The following TKTL1 variants were observed in gnomAD, a reference collection of about 807,000 sequenced individuals.
TKTL1 encodes the protein transketolase like 1.
Under a neutral mutation model 39.3 loss-of-function variants are expected in TKTL1, and 1 was observed. The ratio of observed to expected loss-of-function variants is 0.03; its 90% CI spans 0.01 to 0.12. The LOEUF is 0.12. Among genes scored for constraint, TKTL1 ranks in the 10% least tolerant of loss-of-function variants. TKTL1 has a pLI of 1.00. For missense variants in TKTL1, 575 were observed against 509.6 expected (o/e 1.13, Z -1.24); for synonymous variants, 262 against 193.8 (o/e 1.35, Z -2.92).
intron 7 of TKTL1, among the ~76,000 whole-genome samples, chrX:154,318,695 G>A (rs370667879): frequency 3.3e-5 from 3 of 89,844 alleles, no homozygotes; most frequent in African/African-American, 4.4e-5. Context: ...GCGACAGAGC[G>A]AGCCTCCGTC....
intron 1 of TKTL1, among the ~76,000 whole-genome samples, chrX:154,300,008 G>GT (rs2067260721): frequency 6.1e-5 from 6 of 98,052 alleles, no homozygotes; most frequent in African/African-American, 2.1e-4. Context: ...ACTACTTTTA[G>GT]TATTTTTTTT....
At chrX:154,301,404 A>C (rs782426754) in intron 1 of TKTL1, among the ~76,000 whole-genome samples, 180 of 110,449 alleles carry the variant, frequency 1.6e-3, no homozygotes, top group African/African-American at 5.8e-3. Flanking sequence ...GTAATCCCAG[A>C]TACTTGGGAG....
At chrX:154,305,728 G>A (rs1298374612) in intron 2 of TKTL1, among the ~76,000 whole-genome samples, 1 of 110,080 alleles carries the variant, frequency 9.1e-6, no homozygotes, top group African/African-American at 3.3e-5. Context: ...TGCTGCCTGA[G>A]GAGAGGCAGG....
intron 6 of TKTL1, among the ~76,000 whole-genome samples, chrX:154,314,970 C>T (rs1388519282): frequency 9.0e-6 from 1 of 111,498 alleles, no homozygotes; most frequent in East Asian, 2.8e-4. Context: ...ACTTGGGTGC[C>T]ACATCAGCCA....
chrX:154,309,650 G>T (rs782275728), intron 3 of TKTL1, among the ~76,000 whole-genome samples: 17 of 111,378 alleles, frequency 1.5e-4, no homozygotes, highest in African/African-American at 5.6e-4. Context: ...CAGGTCTGTT[G>T]AAAGGTTTCA....
chrX:154,325,726 C>G (rs782115385), intron 10 of TKTL1, among the ~76,000 whole-genome samples: 1 of 112,398 alleles, frequency 8.9e-6, no homozygotes, highest in Admixed American at 9.4e-5. Context: ...CTAAACAAAA[C>G]AGAAGCCAGC....
Position 154,295,916 on chromosome X carries a change from C to T in TKTL1, c.57C>T (p.Gly19=). The T allele has an allele frequency of 3.3e-6, 4 of 1,211,644 alleles. No homozygotes were observed. Among genetic ancestry groups the T allele is most frequent in the Non-Finnish European group, 1.1e-6 (1 of 895,190 alleles). The change falls in exon 1 of 13, where the codon GGC becomes GGT. Residue 19 remains glycine (G), a synonymous_variant. Coordinates refer to ENST00000369915, the MANE Select transcript of TKTL1 (RefSeq NM_012253.4). ...EFPEEARPDR[G]TLQVLQDMAS... is the part of the protein sequence containing the mutation. The stretch of plus-strand genomic sequence containing the variant: ...CGGAGGAGGCCAGACCTGACAGGGG[C>T]ACCTTGCAGGTGTTGCAAGATATGG...
chrX:154,313,277 G>A (rs782362761), intron 6 of TKTL1, among the ~76,000 whole-genome samples: 18 of 112,407 alleles, frequency 1.6e-4, no homozygotes, highest in African/African-American at 3.9e-4. Flanking sequence ...GGCCCCAGGC[G>A]GGCTGACCTT....
At chrX:154,304,174 G>T (rs1435018115) in intron 1 of TKTL1, among the ~76,000 whole-genome samples, 1 of 110,885 alleles carries the variant, frequency 9.0e-6, no homozygotes, top group Non-Finnish European at 1.9e-5. Context: ...CTCCTCTGCT[G>T]CCGGGGCCTC....
chrX:154,310,865 G>A lies in TKTL1; in HGVS notation c.380G>A (p.Gly127Asp). The A allele has an allele frequency of 4.1e-6, 5 of 1,211,528 alleles. No homozygotes were observed. Among genetic ancestry groups the A allele is most frequent in the East Asian group, 3.0e-5 (1 of 33,866 alleles). Residue 127 changes from glycine to aspartate, a missense_variant, in exon 4 of 13, where the codon GGC (glycine) becomes GAC (aspartate). Transcript: ENST00000369915. ...CGGGTGTTCTGCCTCATGAGTGATG[G>A]CGAGTCCTCAGAAGGCTCTGTCTGG... Reference protein sequence around the residue: ...SYRVFCLMSDGESSEGSVWEA... With the variant: ...SYRVFCLMSDDESSEGSVWEA...
At position 154,330,220 on chromosome X, in the gene TKTL1, C is replaced by A. The variant is rs2067527592; in HGVS notation, c.*532C>A. The A allele has an allele frequency of 8.7e-6, 1 of 115,153 alleles. No homozygotes were observed. Among genetic ancestry groups the A allele is most frequent in the African/African-American group, 3.2e-5 (1 of 30,945 alleles). The allele number at this position is 115,153 out of a possible 1,213,427, so 9.5% of individuals were successfully genotyped here. ...CCCTGGAATTCCCTTCGCTGTTTGCCTTCATCTCCCTCCACGTTTGAGAGG... is the reference window on the plus strand; with the variant it reads ...CCCTGGAATTCCCTTCGCTGTTTGCATTCATCTCCCTCCACGTTTGAGAGG... On this transcript the variant is annotated 3_prime_UTR_variant, in exon 13 of 13. Coordinates refer to ENST00000369915, the MANE Select transcript of TKTL1 (RefSeq NM_012253.4).
intron 2 of TKTL1, among the ~76,000 whole-genome samples, chrX:154,306,699 C>T (rs782565125): frequency 1.8e-5 from 2 of 110,023 alleles, no homozygotes; most frequent in South Asian, 3.9e-4. Flanking sequence ...TGCAGTGGCT[C>T]GGTCTCAGCT....
intron 5 of TKTL1, among the ~76,000 whole-genome samples, 190 bp downstream of exon 5, chrX:154,311,428 T>G (rs1477694904): frequency 1.8e-5 from 2 of 112,077 alleles, no homozygotes; most frequent in Non-Finnish European, 3.8e-5. Flanking sequence ...ATAGGAGATA[T>G]CAAAAGCCCT....
At chrX:154,301,167 AT>A (rs1372849008) in intron 1 of TKTL1, among the ~76,000 whole-genome samples, 1 of 111,068 alleles carries the variant, frequency 9.0e-6, no homozygotes, top group Non-Finnish European at 1.9e-5. Context: ...TCTATTATTG[AT>A]TTCTAACCTC....
In TKTL1 at chrX:154,323,333, C is replaced by A. The variant is rs146779031; in HGVS notation, c.1313C>A (p.Ala438Asp). 4.1e-4 allele frequency: 501 copies of A among 1,209,305 alleles called. No homozygotes were observed. Among genetic ancestry groups the A allele is most frequent in the Non-Finnish European group, 5.5e-4 (488 of 894,859 alleles). Residue 438 changes from alanine to aspartate, a missense_variant, in exon 9 of 13, where the codon GCC (alanine) becomes GAC (aspartate). Ala to Asp is a moderately radical substitution (Grantham distance 126). Coordinates refer to ENST00000369915, the MANE Select transcript of TKTL1 (RefSeq NM_012253.4). Reference protein sequence around the residue: ...TEHAVALAANAKGMCFIRTTR... With the variant: ...TEHAVALAANDKGMCFIRTTR... ...CATGCTGTTGCTCTGGCAGCCAATG[C>A]CAAGGTATTTTTAAGGGGACACTAG...
chrX:154,316,792 GTCTC>G (rs781846825), intron 7 of TKTL1, among the ~76,000 whole-genome samples: 340 of 102,006 alleles, frequency 3.3e-3, no homozygotes, highest in African/African-American at 0.011. Context: ...TTGAGATGGA[GTCTC>G]TCTCTCTCTC....
intron 7 of TKTL1, among the ~76,000 whole-genome samples, chrX:154,318,544 A>G (rs2067421489): frequency 1.1e-5 from 1 of 92,999 alleles, no homozygotes; most frequent in South Asian, 4.7e-4. Flanking sequence ...CTAAAAATAC[A>G]AAAAAAAAAA....
Position 154,311,044 on chromosome X carries a change from G to T in TKTL1, c.542+17G>T, listed in dbSNP as rs1569550927. 8.3e-7 allele frequency: 1 copy of T among 1,211,310 alleles called. No homozygotes were observed. The highest frequency in any genetic ancestry group is 1.1e-6 in the Non-Finnish European group (1 of 895,059). On this transcript the variant is annotated intron_variant, in intron 4 of 12. Transcript: ENST00000369915. ...AGCCTTTGGGTAACTGTATTCTCTTGTGCTTGATTTCCATTCTGTCCTGCC... is the reference window on the plus strand; with the variant it reads ...AGCCTTTGGGTAACTGTATTCTCTTTTGCTTGATTTCCATTCTGTCCTGCC...
chrX:154,309,074 G>A (rs782387434), intron 2 of TKTL1, among the ~76,000 whole-genome samples: 203 of 111,273 alleles, frequency 1.8e-3, no homozygotes, highest in African/African-American at 6.3e-3. Flanking sequence ...TCCCTGGGCA[G>A]GGACAGTGGA....
Sources: gnomAD v4.1 joint callset for allele counts (sites outside exome capture counted in the v4.1 genomes callset) on GRCh38, gnomAD v4.1.1 for gene constraint, MANE v1.5 for transcripts, NCBI Gene and HGNC (gene_info 2026-07-23, HGNC 2026-07-21) for gene names.